The following PLXNC1 variants were observed in gnomAD, a reference collection of about 807,000 sequenced individuals.
PLXNC1 encodes plexin-C1.
A neutral mutation model predicts 178.2 loss-of-function variants in PLXNC1; 75 were observed. The ratio of observed to expected loss-of-function variants is 0.42; its 90% CI spans 0.35 to 0.51. The LOEUF is 0.51. Among genes scored for constraint, PLXNC1 ranks in the 20% least tolerant of loss-of-function variants. PLXNC1 has a pLI of 0.02. For synonymous variants in PLXNC1, 790 were observed against 779.9 expected, an observed-to-expected ratio of 1.01 and a Z score of -0.22; for missense variants, 1,503 against 1,984.4, an observed-to-expected ratio of 0.76 and a Z score of 4.61.
chr12:94,175,064 TTAAA>T (rs1475164197), intron 2 of PLXNC1, among the ~76,000 whole-genome samples: 1 of 152,232 alleles, frequency 6.6e-6, no homozygotes, highest in African/African-American at 2.4e-5. Context: ...CTGAGGCACA[TTAAA>T]TACTTACCTT....
chr12:94,303,654 G>A (rs937849482), intron 28 of PLXNC1, 102 bp from the exon 29 acceptor site: 2 of 1,028,460 alleles, frequency 1.9e-6, no homozygotes, highest in South Asian at 2.0e-5. Context: ...GGTTGGTGGT[G>A]GGGGTTCAGC....
At chr12:94,253,680 C>CTT (rs60523235) in intron 15 of PLXNC1, among the ~76,000 whole-genome samples, 79,443 of 148,360 alleles carry the variant, frequency 0.54, 21,094 homozygotes, top group Admixed American at 0.56. Context: ...TATGTAATTT[C>CTT]TTTTTTTTTT....
intron 23 of PLXNC1, among the ~76,000 whole-genome samples, chr12:94,288,754 A>AGAC (rs1966958281): frequency 6.6e-6 from 1 of 152,240 alleles, no homozygotes; most frequent in African/African-American, 2.4e-5. Flanking sequence ...CTGAGGGAGA[A>AGAC]GACGATACTG....
At chr12:94,296,338 T>G (rs1314587837) in intron 24 of PLXNC1, among the ~76,000 whole-genome samples, 2 of 152,150 alleles carry the variant, frequency 1.3e-5, no homozygotes, top group Non-Finnish European at 2.9e-5. Context: ...TCTTTAAAAT[T>G]TTTTGTAGAA....
chr12:94,170,401 T>G (rs1961799478), intron 2 of PLXNC1, among the ~76,000 whole-genome samples: 1 of 152,192 alleles, frequency 6.6e-6, no homozygotes, highest in Non-Finnish European at 1.5e-5. Context: ...TATGATCCTG[T>G]TTCCACACTT....
chr12:94,278,215 A>G, intron 21 of PLXNC1: 2 of 363,002 alleles, frequency 5.5e-6, no homozygotes, highest in South Asian at 4.1e-5. Context: ...GGCTCAAAAC[A>G]TTAAATAATT....
rs910157888 is a variant in PLXNC1, at chr12:94,170,500, A to AC, written c.1203+1211dup. Among the ~76,000 whole-genome samples the AC allele has an allele frequency of 7.2e-5, 11 of 151,950 alleles. No homozygotes were observed. The South Asian group carries it at 2.1e-3, about 29-fold the overall frequency. On this transcript the variant is annotated intron_variant, in intron 2 of 30. Coordinates refer to ENST00000258526, the MANE Select transcript of PLXNC1 (RefSeq NM_005761.3). ...GTGTCTATGCTGTGGCTCAGCTCAAACCCCACCTCCTCTTTGATGACATCT... is the reference window on the plus strand; with the variant it reads ...GTGTCTATGCTGTGGCTCAGCTCAAACCCCCACCTCCTCTTTGATGACATCT...
At chr12:94,259,263 G>T in intron 17 of PLXNC1, 74 bp from the exon 18 acceptor site, 1 of 1,104,136 alleles carries the variant, frequency 9.1e-7, no homozygotes, top group Non-Finnish European at 1.3e-6. Flanking sequence ...AAACGGACTT[G>T]GGTATTATAA....
chr12:94,203,804 T>C (rs886569848), intron 4 of PLXNC1, among the ~76,000 whole-genome samples: 2 of 152,196 alleles, frequency 1.3e-5, no homozygotes, highest in African/African-American at 4.8e-5. Flanking sequence ...TTTGAAAATG[T>C]CACCTAAAAA....
At chr12:94,220,673 T>TA (rs1284145385) in intron 6 of PLXNC1, among the ~76,000 whole-genome samples, 1 of 152,196 alleles carries the variant, frequency 6.6e-6, no homozygotes, top group Non-Finnish European at 1.5e-5. Flanking sequence ...GAGAAGTAAG[T>TA]AGCTCATTAC....
At chr12:94,168,962 G>A (rs905320242) in intron 1 of PLXNC1, among the ~76,000 whole-genome samples, 191 bp from the exon 2 acceptor site, 5 of 152,118 alleles carry the variant, frequency 3.3e-5, no homozygotes, top group African/African-American at 1.2e-4. Flanking sequence ...GTTTTCTTTG[G>A]TTGGGCAGGT....
rs1434257784 is a variant in PLXNC1 at position 94,265,102 on chromosome 12, T to C, written c.3474T>C (p.Tyr1158=). ...FLRETVGEPF[Y]LLVTTLNQKI... ...AGGAGACTGTCGGAGAGCCCTTCTA[T>C]TTGCTGGTGACGACTCTGAACCAGA... Residue 1158 remains tyrosine, a synonymous_variant, in exon 21 of 31, where the codon TAT becomes TAC. Transcript: ENST00000258526. The C allele has an allele frequency of 1.6e-5, 26 of 1,614,208 alleles. No homozygotes were observed. Among genetic ancestry groups the C allele is most frequent in the Non-Finnish European group, 1.9e-5 (22 of 1,180,026 alleles).
chr12:94,167,543 T>G (rs1022813554), intron 1 of PLXNC1, among the ~76,000 whole-genome samples: 1 of 152,220 alleles, frequency 6.6e-6, no homozygotes, highest in African/African-American at 2.4e-5. Flanking sequence ...TAAAGCAAGA[T>G]GTGTGGCATG....
At chr12:94,275,150 C>T (rs1965838543) in intron 21 of PLXNC1, among the ~76,000 whole-genome samples, 1 of 152,196 alleles carries the variant, frequency 6.6e-6, no homozygotes, top group South Asian at 2.1e-4. Flanking sequence ...GTCCTCCCTA[C>T]TCAGAATCCT....
Position 94,255,245 on chromosome 12 carries a change from T to C in PLXNC1, c.3036T>C (p.Thr1012=). 1 of 1,614,102 alleles carries C rather than the reference T, an allele frequency of 6.2e-7. No homozygotes were observed. The highest frequency in any genetic ancestry group is 8.5e-7 in the Non-Finnish European group (1 of 1,179,904). ...DKLDVVDSFG[T]VPFLDYKHFA... ...TGGATGTGGTTGATAGTTTTGGAAC[T>C]GTTCCCTTCCTTGACTACAAACATT... The change falls in exon 17 of 31, where the codon ACT becomes ACC. Residue 1012 remains threonine, a synonymous_variant. Coordinates refer to ENST00000258526, the MANE Select transcript of PLXNC1 (RefSeq NM_005761.3).
rs1479217552 is a variant in PLXNC1, at chr12:94,265,177, A to G, written c.3549A>G (p.Thr1183=). ...TAATCACTTGCAAAGCCCTGTACACACTTAATGAAGACTGGCTGTTGTGGC... is the reference window on the plus strand; with the variant it reads ...TAATCACTTGCAAAGCCCTGTACACGCTTAATGAAGACTGGCTGTTGTGGC... ...VDVITCKALY[T]LNEDWLLWQV... is the part of the protein sequence containing the mutation. The change falls in exon 21 of 31, where the codon ACA becomes ACG. Residue 1183 remains threonine, a synonymous_variant. Transcript: ENST00000258526. 6.2e-7 allele frequency: 1 copy of G among 1,613,420 alleles called. No homozygotes were observed. The highest frequency in any genetic ancestry group is 1.7e-5 in the Admixed American group (1 of 60,010).
chr12:94,235,762 A>T (rs552915125), intron 9 of PLXNC1, among the ~76,000 whole-genome samples: 1 of 152,222 alleles, frequency 6.6e-6, no homozygotes, highest in Admixed American at 6.5e-5. Context: ...TTTGAATTTC[A>T]TGTGTTTTTA....
At position 94,305,456 on chromosome 12, in the gene PLXNC1, C is replaced by T; in HGVS notation, c.*171C>T. The T allele has an allele frequency of 1.7e-6, 1 of 579,346 alleles. No homozygotes were observed. The highest frequency in any genetic ancestry group is 2.9e-4 in the Middle Eastern group (1 of 3,464). The allele number at this position is 579,346 out of a possible 1,614,324, so 35.9% of individuals were successfully genotyped here. On this transcript the variant is annotated 3_prime_UTR_variant, in exon 31 of 31. Coordinates refer to ENST00000258526, the MANE Select transcript of PLXNC1 (RefSeq NM_005761.3). Reference sequence around the variant, plus strand: ...GCACAGCTTTTAGAAAGCATACCAACCCTTGTGCCTGTGTGTATACCGTGG... The same window carrying T: ...GCACAGCTTTTAGAAAGCATACCAATCCTTGTGCCTGTGTGTATACCGTGG...
At chr12:94,157,255 C>G (rs1380764437) in intron 1 of PLXNC1, among the ~76,000 whole-genome samples, 1 of 152,192 alleles carries the variant, frequency 6.6e-6, no homozygotes, top group Non-Finnish European at 1.5e-5. Context: ...TCCCTTAGAA[C>G]AGGATGGCGG....
Sources: allele counts gnomAD v4.1 joint callset (sites outside exome capture counted in the v4.1 genomes callset), GRCh38; gene constraint gnomAD v4.1.1; transcripts MANE v1.5; gene names NCBI Gene and HGNC (gene_info 2026-07-23, HGNC 2026-07-21).